IGBP1: variants seen among roughly 807,000 people sequenced by gnomAD.
IGBP1 encodes the protein immunoglobulin-binding protein 1.
IGBP1 carries 2 observed loss-of-function variants against 25.9 expected under a neutral mutation model. The observed-to-expected ratio is 0.08, with a 90% CI of 0.03 to 0.24. The LOEUF is 0.24. Among genes scored for constraint, IGBP1 ranks in the 10% least tolerant of loss-of-function variants. The probability of loss-of-function intolerance (pLI) is 1.00; values close to 1 mark genes in which losing one functional copy is unlikely to be tolerated. For missense variants in IGBP1, 187 were observed against 260.4 expected (o/e 0.72, Z 1.94); for synonymous variants, 96 against 93.4 (o/e 1.03, Z -0.16).
intron 5 of IGBP1, chrX:70,149,611 C>T (rs1253402213): frequency 1.8e-5 from 2 of 112,312 alleles, no homozygotes; most frequent in African/African-American, 6.9e-5. Context: ...CTGAGATCAC[C>T]CCACTACCCT....
chrX:70,145,743 T>C (rs1033958891), intron 3 of IGBP1, among the ~76,000 whole-genome samples: 2 of 112,012 alleles, frequency 1.8e-5, no homozygotes, highest in Admixed American at 9.6e-5. Flanking sequence ...TCGTATTTGC[T>C]TTTATTCCTT....
intron 6 of IGBP1, chrX:70,165,297 G>A (rs1470579042): frequency 2.4e-5 from 3 of 123,447 alleles, no homozygotes; most frequent in African/African-American, 6.5e-5. Context: ...AAAATAATAC[G>A]TAGGCATTCT....
Position 70,134,897 on chromosome X carries a change from C to T in IGBP1, c.482+81C>T. On this transcript the variant is annotated intron_variant, in intron 3 of 6. Transcript: ENST00000356413. Reference sequence around the variant, plus strand: ...TGCTTTCTTGGCGGGTGGTGGGGGGCCAGAATGGTATGTGTCACTTTCTTG... The same window carrying T: ...TGCTTTCTTGGCGGGTGGTGGGGGGTCAGAATGGTATGTGTCACTTTCTTG... 3 of 933,957 alleles carry T rather than the reference C, an allele frequency of 3.2e-6. No homozygotes were observed. In the South Asian group the frequency reaches 6.0e-5, roughly 19 times the overall value. 77.0% of individuals were successfully genotyped at this position (933,957 alleles called of 1,213,427 possible).
At chrX:70,152,930 T>A (rs1057390421) in intron 6 of IGBP1, among the ~76,000 whole-genome samples, 1 of 111,807 alleles carries the variant, frequency 8.9e-6, no homozygotes, top group African/African-American at 3.3e-5. Flanking sequence ...CTTGAAGAAA[T>A]GATGACTAAA....
chrX:70,166,125 T>A lies in IGBP1; in HGVS notation c.*144T>A. On this transcript the variant is annotated 3_prime_UTR_variant, in exon 7 of 7. Transcript: ENST00000356413. ...ATCTTGCTTTGCATTCAGTAAAGTG[T>A]CAAGTGATTAAGTGTGTATTTGTAC... 1 of 541,128 alleles carries A rather than the reference T, an allele frequency of 1.8e-6. No individual in the cohort carries two copies. The highest frequency in any genetic ancestry group is 3.0e-6 in the Non-Finnish European group (1 of 328,480). 44.6% of individuals were successfully genotyped at this position (541,128 alleles called of 1,213,427 possible).
intron 6 of IGBP1, among the ~76,000 whole-genome samples, chrX:70,155,785 A>G (rs2085236597): frequency 8.9e-6 from 1 of 112,019 alleles, no homozygotes; most frequent in Non-Finnish European, 1.9e-5. Context: ...TAGCTATAGT[A>G]ATATCAGATA....
rs753264288 is a variant in IGBP1, at chrX:70,134,031, G to A, written c.84G>A (p.Val28=). The change falls in exon 2 of 7, where the codon GTG becomes GTA. Residue 28 remains valine, a synonymous_variant. Coordinates refer to ENST00000356413, the MANE Select transcript of IGBP1 (RefSeq NM_001551.3). ...GACAGTTACTGGACGAAGTAGAAGTGGCGACTGAACCCGCCGGTTCCCGGA... is the reference window on the plus strand; with the variant it reads ...GACAGTTACTGGACGAAGTAGAAGTAGCGACTGAACCCGCCGGTTCCCGGA... ...TGRQLLDEVE[V]ATEPAGSRIV... 20 of 1,210,033 alleles carry A rather than the reference G, an allele frequency of 1.7e-5. No homozygotes were observed. Among genetic ancestry groups the A allele is most frequent in the Admixed American group, 6.5e-5 (3 of 45,903 alleles).
chrX:70,158,707 G>A (rs2085255086), intron 6 of IGBP1, among the ~76,000 whole-genome samples: 1 of 111,156 alleles, frequency 9.0e-6, no homozygotes, highest in African/African-American at 3.3e-5. Context: ...GCCGGGCATG[G>A]TGGTACGTGC....
At chrX:70,141,216 A>G (rs1436903034) in intron 3 of IGBP1, among the ~76,000 whole-genome samples, 1 of 110,316 alleles carries the variant, frequency 9.1e-6, no homozygotes, top group Non-Finnish European at 1.9e-5. Flanking sequence ...GCCTGGTGGT[A>G]GGCACCTGTA....
At chrX:70,135,633 G>C (rs758927941) in intron 3 of IGBP1, among the ~76,000 whole-genome samples, 1 of 111,492 alleles carries the variant, frequency 9.0e-6, no homozygotes, top group Non-Finnish European at 1.9e-5. Context: ...GGCATTAGCC[G>C]GCAGAGTATG....
At chrX:70,144,953 C>T (rs781664859) in intron 3 of IGBP1, among the ~76,000 whole-genome samples, 4 of 108,140 alleles carry the variant, frequency 3.7e-5, no homozygotes, top group Non-Finnish European at 3.8e-5. Context: ...CCACTGTGCC[C>T]GGCCGGTTCT....
In IGBP1 at chrX:70,165,522, T is replaced by TG. The variant is rs911344516; in HGVS notation, c.872-303dup. Among the ~76,000 whole-genome samples, 240 of 106,530 alleles carry TG rather than the reference T, an allele frequency of 2.3e-3. 2 individuals are homozygous for TG. Among genetic ancestry groups the TG allele is most frequent in the Middle Eastern group, 9.6e-3 (2 of 208 alleles). 92.5% of individuals were successfully genotyped at this position (106,530 alleles called of 115,157 possible). On this transcript the variant is annotated intron_variant, in intron 6 of 6. Coordinates refer to ENST00000356413, the MANE Select transcript of IGBP1 (RefSeq NM_001551.3). ...GTGGTAATGTTTTTGTTTAGGGGCT[T>TG]GGGGGGGGTGGGTGTTGGCCATTTT... is the stretch of plus-strand genomic sequence containing the variant.
At chrX:70,141,330 G>C (rs781108595) in intron 3 of IGBP1, among the ~76,000 whole-genome samples, 2 of 108,757 alleles carry the variant, frequency 1.8e-5, no homozygotes, top group South Asian at 8.2e-4. Flanking sequence ...CTGGGCGACA[G>C]AGCAAGACCC....
In IGBP1 at chrX:70,133,976, C is replaced by T. The variant is rs766373243; in HGVS notation, c.29C>T (p.Pro10Leu). 4 of 1,209,685 alleles carry T rather than the reference C, an allele frequency of 3.3e-6. No homozygotes were observed. The highest frequency in any genetic ancestry group is 5.9e-5 in the East Asian group (2 of 33,754). The change falls in exon 2 of 7, where the codon CCG (proline) becomes CTG (leucine). Residue 10 changes from proline (P) to leucine (L), a missense_variant. Pro to Leu is a moderately conservative substitution (Grantham distance 98, BLOSUM62 -3). Coordinates refer to ENST00000356413, the MANE Select transcript of IGBP1 (RefSeq NM_001551.3). ...GCTGCTGAGGACGAGTTACAGCTGC[C>T]GCGGCTCCCCGAGCTGTTCGAAACT... MAAEDELQL[P>L]RLPELFETGR...
chrX:70,163,256 G>A lies in IGBP1; in HGVS notation c.872-2577G>A, dbSNP rs752110081. ...ATTTTTTTTGTAGACACAGGGTCTC[G>A]CCATCTTGCCCAGGATGATCTCGAA... On this transcript the variant is annotated intron_variant, in intron 6 of 6. Transcript: ENST00000356413. Among the ~76,000 whole-genome samples, 4 of 109,303 alleles carry A rather than the reference G, an allele frequency of 3.7e-5. No homozygotes were observed. The East Asian group carries it at 8.6e-4, about 24-fold the overall frequency. The allele number at this position is 109,303 out of a possible 115,157, so 94.9% of individuals were successfully genotyped here.
At chrX:70,143,004 A>G (rs999051399) in intron 3 of IGBP1, among the ~76,000 whole-genome samples, 9 of 102,457 alleles carry the variant, frequency 8.8e-5, no homozygotes, top group African/African-American at 3.2e-4. Context: ...GCTCACTGCA[A>G]GCTCCGCCTC....
intron 3 of IGBP1, among the ~76,000 whole-genome samples, chrX:70,137,751 CAAAAAAAAA>C (rs752550128): frequency 3.7e-4 from 8 of 21,735 alleles, no homozygotes; most frequent in Admixed American, 1.6e-3. Flanking sequence ...AATAATTATA[CAAAAAAAAA>C]AAAAAAAAAA....
intron 4 of IGBP1, 106 bp downstream of exon 4, chrX:70,146,934 A>G (rs1347220002): frequency 3.3e-6 from 2 of 611,602 alleles, no homozygotes. Context: ...TATCAAGATG[A>G]GTATAGAAAG....
chrX:70,134,919 C>T, intron 3 of IGBP1, 103 bp downstream of exon 3: 1 of 818,009 alleles, frequency 1.2e-6, no homozygotes, highest in African/African-American at 2.0e-5. Context: ...GTGTCACTTT[C>T]TTGGTTCTTA....
Sources: allele counts gnomAD v4.1 joint callset (sites outside exome capture counted in the v4.1 genomes callset), GRCh38; gene constraint gnomAD v4.1.1; transcripts MANE v1.5; gene names NCBI Gene and HGNC (gene_info 2026-07-23, HGNC 2026-07-21).